The following JAG2 variants were observed in gnomAD, a reference collection of about 807,000 sequenced individuals.
JAG2 encodes the protein protein jagged-2.
JAG2 carries 46 observed loss-of-function variants against 141.7 expected under a neutral mutation model. The observed-to-expected ratio is 0.32, with a 90% CI of 0.26 to 0.42. JAG2 has a LOEUF of 0.42. JAG2 is among the 10% of genes least tolerant of loss of function. The pLI is 1.00. For synonymous variants in JAG2, 862 were observed against 763.5 expected (o/e 1.13, Z -2.13); for missense variants, 1,500 against 1,817.5 (o/e 0.83, Z 3.18).
At chr14:105,143,727 G>A (rs917184852) in intron 24 of JAG2, 89 bp from the exon 25 acceptor site, 41 of 1,521,090 alleles carry the variant, frequency 2.7e-5, no homozygotes, top group Non-Finnish European at 3.5e-5. Flanking sequence ...GGCCACACTG[G>A]AGCAAGGTGG....
chr14:105,143,242 G>A, intron 25 of JAG2, 72 bp from the exon 26 acceptor site: 2 of 1,507,386 alleles, frequency 1.3e-6, no homozygotes, highest in Non-Finnish European at 9.0e-7. Context: ...ACACACCCAG[G>A]CCTGGGAGGG....
intron 5 of JAG2, among the ~76,000 whole-genome samples, chr14:105,152,893 C>A (rs1888478844): frequency 6.6e-6 from 1 of 152,154 alleles, no homozygotes; most frequent in Non-Finnish European, 1.5e-5. Context: ...CAGCTGCACC[C>A]CCAGCTGCAC....
intron 2 of JAG2, among the ~76,000 whole-genome samples, chr14:105,158,033 C>G (rs1595184643): frequency 6.6e-6 from 1 of 152,212 alleles, no homozygotes; most frequent in East Asian, 1.9e-4. Context: ...AGAGGCCCAG[C>G]CTGCCCTGAG....
intron 15 of JAG2, 53 bp downstream of exon 15, chr14:105,148,692 G>T: frequency 7.0e-7 from 1 of 1,438,526 alleles, no homozygotes. Flanking sequence ...GGGTGATAAG[G>T]GGCCCACAGG....
chr14:105,142,950 G>A lies in JAG2; in HGVS notation c.3462C>T (p.Phe1154=). The A allele has an allele frequency of 6.2e-7, 1 of 1,609,476 alleles. No individual in the cohort carries two copies. The highest frequency in any genetic ancestry group is 1.1e-5 in the South Asian group (1 of 90,958). Residue 1154 remains phenylalanine, a synonymous_variant, in exon 26 of 26, where the codon TTC becomes TTT. Transcript: ENST00000331782. ...CGTCCGCCCTGCGCGGCGGCGGCGTGAAGTTCTTGCACTGGTAGAGCACGT... is the reference window on the plus strand; with the variant it reads ...CGTCCGCCCTGCGCGGCGGCGGCGTAAAGTTCTTGCACTGGTAGAGCACGT... ...HKDVLYQCKN[F]TPPPRRADEA...
rs78133416 is a variant in JAG2 at position 105,160,990 on chromosome 14, T to C, written c.418-3227A>G. 4.8e-3 allele frequency among the ~76,000 whole-genome samples: 737 copies of C among 152,154 alleles called. 2 individuals are homozygous for C. Among genetic ancestry groups the C allele is most frequent in the African/African-American group, 0.016 (680 of 41,502 alleles). On this transcript the variant is annotated intron_variant, in intron 2 of 25. Transcript: ENST00000331782. ...AGAAGGCCCAGGGGCTGAGAACGCA[T>C]AGCCCACGGGGACAGTGGGGTCATA...
chr14:105,149,433 C>T (rs994785438), intron 12 of JAG2, 113 bp from the exon 13 acceptor site: 11 of 1,374,734 alleles, frequency 8.0e-6, no homozygotes, highest in African/African-American at 1.4e-5. Context: ...GCCCCTCCGC[C>T]CTGGGCCTAA....
In JAG2 at chr14:105,167,266, G is replaced by A. The variant is rs1337405906; in HGVS notation, c.417+491C>T. Among the ~76,000 whole-genome samples, 1 of 152,226 alleles carries A rather than the reference G, an allele frequency of 6.6e-6. No individual in the cohort carries two copies. Among genetic ancestry groups the A allele is most frequent in the Non-Finnish European group, 1.5e-5 (1 of 68,038 alleles). On this transcript the variant is annotated intron_variant, in intron 2 of 25. Transcript: ENST00000331782. This position sits in a 1 kb window ranked among gnomAD's most constrained non-coding sequence, Gnocchi z 4.8. Reference sequence around the variant, plus strand: ...CTGCCGACATAAGCGTTAGGCGTTAGGCTCTCCCGGGCCTAGGTCCCACGG... The same window carrying A: ...CTGCCGACATAAGCGTTAGGCGTTAAGCTCTCCCGGGCCTAGGTCCCACGG...
chr14:105,166,812 T>C (rs1400783666), intron 2 of JAG2, among the ~76,000 whole-genome samples: 2 of 152,202 alleles, frequency 1.3e-5, no homozygotes, highest in African/African-American at 4.8e-5. Flanking sequence ...CAGATCCATC[T>C]ACTCCCTGAT....
At chr14:105,160,806 C>T (rs945971114) in intron 2 of JAG2, among the ~76,000 whole-genome samples, 7 of 150,186 alleles carry the variant, frequency 4.7e-5, no homozygotes, top group African/African-American at 9.9e-5. Context: ...GAGGTTGCAG[C>T]GAGCCGAGAT....
Position 105,152,709 on chromosome 14 carries a change from C to T in JAG2, c.789-418G>A, listed in dbSNP as rs996500588. Among the ~76,000 whole-genome samples the T allele has an allele frequency of 5.3e-5, 8 of 152,156 alleles. No homozygotes were observed. The East Asian group carries it at 9.6e-4, about 18-fold the overall frequency. On this transcript the variant is annotated intron_variant, in intron 5 of 25. Coordinates refer to ENST00000331782, the MANE Select transcript of JAG2 (RefSeq NM_002226.5). ...CAGGGGAGCACTCCTGGCTCTGCCTCGGCCATGTGGCCCTGGGCACAGCAC... is the reference window on the plus strand; with the variant it reads ...CAGGGGAGCACTCCTGGCTCTGCCTTGGCCATGTGGCCCTGGGCACAGCAC...
Position 105,148,210 on chromosome 14 carries a change from G to T in JAG2, c.2154C>A (p.Ala718=). The T allele has an allele frequency of 1.3e-6, 2 of 1,557,264 alleles. No individual in the cohort carries two copies. Among genetic ancestry groups the T allele is most frequent in the Non-Finnish European group, 1.7e-6 (2 of 1,150,910 alleles). ...TCHSREFQCD[A]YTCSNGGTCY... is the part of the protein sequence containing the mutation. ...AGGTGCCACCGTTGCTGCAGGTGTA[G>T]GCATCGCACTGGAACTCGCCTGTTG... The change falls in exon 17 of 26, where the codon GCC becomes GCA. Residue 718 remains alanine, a synonymous_variant. Transcript: ENST00000331782.
At position 105,142,408 on chromosome 14, in the gene JAG2, G is replaced by T; in HGVS notation, c.*287C>A. Reference sequence around the variant, plus strand: ...CTGGTAACAAACGCTACGATTTGGTGACGACGCAGACACCCTTTGCTCTCT... The same window carrying T: ...CTGGTAACAAACGCTACGATTTGGTTACGACGCAGACACCCTTTGCTCTCT... On this transcript the variant is annotated 3_prime_UTR_variant, in exon 26 of 26. Coordinates refer to ENST00000331782, the MANE Select transcript of JAG2 (RefSeq NM_002226.5). 2.4e-6 allele frequency: 1 copy of T among 408,900 alleles called. No individual in the cohort carries two copies. The highest frequency in any genetic ancestry group is 4.4e-6 in the Non-Finnish European group (1 of 226,558). 25.3% of individuals were successfully genotyped at this position (408,900 alleles called of 1,614,324 possible).
intron 2 of JAG2, among the ~76,000 whole-genome samples, chr14:105,162,104 G>A (rs1888765528): frequency 6.6e-6 from 1 of 152,110 alleles, no homozygotes; most frequent in Non-Finnish European, 1.5e-5. Context: ...GGGGGTCTGG[G>A]GACAGGTGAG....
chr14:105,155,895 C>T lies in JAG2; in HGVS notation c.570G>A (p.Leu190=). The stretch of plus-strand genomic sequence containing the variant: ...CGCAGCGCACGCGGATCTGCAGCTC[C>T]AGGTGCGCCACGTGGCCGCTGAAGT... ...SLHFSGHVAH[L]ELQIRVRCDE... The change falls in exon 4 of 26, where the codon CTG becomes CTA. Residue 190 remains leucine, a synonymous_variant. Transcript: ENST00000331782. The T allele has an allele frequency of 1.2e-6, 2 of 1,612,234 alleles. No homozygotes were observed. Among genetic ancestry groups the T allele is most frequent in the Non-Finnish European group, 1.7e-6 (2 of 1,179,794 alleles).
rs1277534747 is a variant in JAG2, at chr14:105,151,195, A to AGCAGCCCCAGCAGCCCCC, written c.1267+70_1267+87dup. Reference sequence around the variant, plus strand: ...CTGGCACCCGCAGCCCAGCAGCCCCAGCAGCCCCAGCAGCCCCCGCAGCCC... The same window carrying AGCAGCCCCAGCAGCCCCC: ...CTGGCACCCGCAGCCCAGCAGCCCCAGCAGCCCCAGCAGCCCCCGCAGCCCCAGCAGCCCCCGCAGCCC... On this transcript the variant is annotated intron_variant, in intron 9 of 25. Transcript: ENST00000331782. 184 of 1,469,574 alleles carry AGCAGCCCCAGCAGCCCCC rather than the reference A, an allele frequency of 1.3e-4. 1 individual carries two copies. Among genetic ancestry groups the AGCAGCCCCAGCAGCCCCC allele is most frequent in the Middle Eastern group, 2.2e-4 (1 of 4,544 alleles). 91.0% of individuals were successfully genotyped at this position (1,469,574 alleles called of 1,614,324 possible).
At chr14:105,150,224 CTA>C (rs1232174688) in intron 12 of JAG2, among the ~76,000 whole-genome samples, 1 of 151,940 alleles carries the variant, frequency 6.6e-6, no homozygotes, top group East Asian at 1.9e-4. Flanking sequence ...CAGGACTCAC[CTA>C]TGACAGGTGT....
intron 9 of JAG2, 38 bp downstream of exon 9, chr14:105,151,245 G>A (rs750684676): frequency 4.5e-5 from 54 of 1,197,556 alleles, no homozygotes; most frequent in Non-Finnish European, 5.5e-5. Context: ...GCCCGCATGC[G>A]CGGCCCACGT....
intron 2 of JAG2, among the ~76,000 whole-genome samples, chr14:105,158,624 C>T (rs1378819986): frequency 6.6e-6 from 1 of 152,072 alleles, no homozygotes; most frequent in Non-Finnish European, 1.5e-5. Context: ...ACCCCCGGGA[C>T]ATGCCCTGTA....
Sources: gnomAD v4.1 joint callset for allele counts (sites outside exome capture counted in the v4.1 genomes callset) on GRCh38, gnomAD v4.1.1 for gene constraint, Gnocchi (gnomAD v3.1) non-coding constraint, MANE v1.5 for transcripts, NCBI Gene and HGNC (gene_info 2026-07-23, HGNC 2026-07-21) for gene names.